The following MEF2A variants were observed in gnomAD, a reference collection of about 807,000 sequenced individuals.
MEF2A encodes myocyte-specific enhancer factor 2A.
MEF2A carries 28 observed loss-of-function variants against 55.8 expected under a neutral mutation model. The observed-to-expected ratio is 0.50, with a 90% CI of 0.37 to 0.69. The LOEUF is 0.69. Ranked by LOEUF, MEF2A falls within the 30% of genes least tolerant of loss-of-function variation. The probability of loss-of-function intolerance (pLI) is 0.00; values close to 1 mark genes in which losing one functional copy is unlikely to be tolerated. For missense variants in MEF2A, 528 were observed against 626.2 expected, an observed-to-expected ratio of 0.84 and a Z score of 1.67; for synonymous variants, 239 against 227.1, an observed-to-expected ratio of 1.05 and a Z score of -0.47.
At chr15:99,595,188 G>C (rs1176227855) in intron 1 of MEF2A, among the ~76,000 whole-genome samples, 4 of 152,108 alleles carry the variant, frequency 2.6e-5, no homozygotes, top group Non-Finnish European at 5.9e-5. Flanking sequence ...GTAATAATGA[G>C]GTTGTTGTTG....
At chr15:99,583,374 T>C (rs945652048) in intron 1 of MEF2A, among the ~76,000 whole-genome samples, 6 of 152,154 alleles carry the variant, frequency 3.9e-5, no homozygotes, top group African/African-American at 1.4e-4. Flanking sequence ...CTTATTAATA[T>C]GGAAACCTGT....
intron 4 of MEF2A, among the ~76,000 whole-genome samples, chr15:99,659,371 G>A (rs1027007763): frequency 6.6e-6 from 1 of 152,076 alleles, no homozygotes. Flanking sequence ...ATTTAGAGAA[G>A]CCATAGCCTG....
At chr15:99,661,792 C>T (rs1384117985) in intron 4 of MEF2A, among the ~76,000 whole-genome samples, 1 of 151,900 alleles carries the variant, frequency 6.6e-6, no homozygotes, top group East Asian at 1.9e-4. Context: ...AATACATACC[C>T]AAGAGAAATG....
intron 2 of MEF2A, among the ~76,000 whole-genome samples, chr15:99,614,368 C>T (rs926222226): frequency 1.1e-4 from 17 of 152,100 alleles, no homozygotes; most frequent in African/African-American, 3.6e-4. Context: ...GGATCACAGG[C>T]GTGAGTCACC....
chr15:99,630,623 A>C (rs1454362048), intron 2 of MEF2A, among the ~76,000 whole-genome samples: 1 of 152,200 alleles, frequency 6.6e-6, no homozygotes. Context: ...AAACGTGAAA[A>C]AATGTGAATT....
At chr15:99,574,313 A>T (rs1296041682) in intron 1 of MEF2A, among the ~76,000 whole-genome samples, 1 of 152,178 alleles carries the variant, frequency 6.6e-6, no homozygotes, top group Non-Finnish European at 1.5e-5. Context: ...ACCAGGGACC[A>T]GTTTCGTGGA....
chr15:99,698,605 C>T (rs185515167), intron 8 of MEF2A, among the ~76,000 whole-genome samples: 3 of 151,990 alleles, frequency 2.0e-5, no homozygotes, highest in Admixed American at 6.6e-5. Context: ...CCAGCCTGAT[C>T]AACATGGAGA....
At chr15:99,609,015 A>T (rs1976166988) in intron 2 of MEF2A, among the ~76,000 whole-genome samples, 1 of 152,212 alleles carries the variant, frequency 6.6e-6, no homozygotes, top group Non-Finnish European at 1.5e-5. Context: ...GAGGTATCAT[A>T]GCTAGACCAC....
At chr15:99,646,367 G>A (rs370077727) in intron 4 of MEF2A, among the ~76,000 whole-genome samples, 8 of 152,180 alleles carry the variant, frequency 5.3e-5, no homozygotes, top group African/African-American at 1.9e-4. Context: ...ATGGAAACCA[G>A]TATGCTTCCC....
chr15:99,700,742 G>A lies in MEF2A; in HGVS notation c.859-2620G>A, dbSNP rs116663452. On this transcript the variant is annotated intron_variant, in intron 8 of 11. Transcript: ENST00000557942. ...CAGGGAAACGGGATGAGCCGGGGTTGTCAGAGGTTAAGAAAGTGCGTATCA... is the reference window on the plus strand; with the variant it reads ...CAGGGAAACGGGATGAGCCGGGGTTATCAGAGGTTAAGAAAGTGCGTATCA... Among the ~76,000 whole-genome samples the A allele has an allele frequency of 3.8e-3, 582 of 152,274 alleles. 5 individuals carry two copies. Among genetic ancestry groups the A allele is most frequent in the African/African-American group, 0.013 (532 of 41,554 alleles).
At chr15:99,661,022 A>G (rs2048529571) in intron 4 of MEF2A, among the ~76,000 whole-genome samples, 2 of 152,222 alleles carry the variant, frequency 1.3e-5, no homozygotes, top group Non-Finnish European at 2.9e-5. Flanking sequence ...ATGAACATAC[A>G]GTGGCAGTGG....
intron 1 of MEF2A, among the ~76,000 whole-genome samples, chr15:99,577,206 T>C (rs191002151): frequency 3.3e-5 from 5 of 152,386 alleles, no homozygotes; most frequent in Admixed American, 2.6e-4. Flanking sequence ...CTATAAAGCA[T>C]AGTGGAAGGA....
chr15:99,632,357 G>T (rs1310999686), intron 2 of MEF2A, among the ~76,000 whole-genome samples: 1 of 152,192 alleles, frequency 6.6e-6, no homozygotes, highest in African/African-American at 2.4e-5. Flanking sequence ...GTGGCTTTGT[G>T]AATTGACAAA....
chr15:99,631,219 A>C (rs1383862128), intron 2 of MEF2A, among the ~76,000 whole-genome samples: 1 of 152,216 alleles, frequency 6.6e-6, no homozygotes, highest in Non-Finnish European at 1.5e-5. Flanking sequence ...ACAGCCATTA[A>C]AATATCTTGC....
chr15:99,580,720 C>T (rs2570927), intron 1 of MEF2A, among the ~76,000 whole-genome samples: 32,369 of 152,064 alleles, frequency 0.21, 4,151 homozygotes, highest in South Asian at 0.32. Context: ...GACCAAGGGC[C>T]TCCTTTGGTA....
At chr15:99,642,332 C>T (rs1322841179) in intron 3 of MEF2A, among the ~76,000 whole-genome samples, 1 of 152,038 alleles carries the variant, frequency 6.6e-6, no homozygotes, top group Non-Finnish European at 1.5e-5. Context: ...TTTGATTATT[C>T]CTTATCACTT....
At chr15:99,637,682 G>A (rs562787704) in intron 3 of MEF2A, among the ~76,000 whole-genome samples, 7 of 151,416 alleles carry the variant, frequency 4.6e-5, no homozygotes, top group African/African-American at 9.7e-5. Flanking sequence ...TCGCTCTGTC[G>A]CCCAGGATGG....
intron 4 of MEF2A, among the ~76,000 whole-genome samples, chr15:99,647,414 A>G (rs1436995894): frequency 6.6e-6 from 1 of 151,938 alleles, no homozygotes; most frequent in South Asian, 2.1e-4. Flanking sequence ...ATTTCATTAT[A>G]GAGGCAACCA....
intron 11 of MEF2A, among the ~76,000 whole-genome samples, chr15:99,711,403 A>T (rs1001022234): frequency 6.6e-6 from 1 of 152,228 alleles, no homozygotes; most frequent in African/African-American, 2.4e-5. Context: ...GGGTGTAAGG[A>T]TATAAGCAAA....
Sources: allele counts gnomAD v4.1 joint callset (sites outside exome capture counted in the v4.1 genomes callset), GRCh38; gene constraint gnomAD v4.1.1; transcripts MANE v1.5; gene names NCBI Gene and HGNC (gene_info 2026-07-23, HGNC 2026-07-21).